The following IQCJ variants were observed in gnomAD, a reference collection of about 807,000 sequenced individuals.
IQCJ encodes the protein IQ motif containing J.
In IQCJ, 9 loss-of-function variants were observed where a neutral mutation model predicts 11.0. The observed-to-expected ratio is 0.82, with a 90% confidence interval of 0.49 to 1.43. The LOEUF (loss-of-function observed/expected upper bound fraction) is 1.43. Ranked by LOEUF, IQCJ falls within the 40% of genes most tolerant of loss-of-function variation. The pLI, the probability that IQCJ is intolerant of heterozygous loss-of-function variation, is 0.00. For missense variants in IQCJ, 146 were observed against 133.2 expected, an observed-to-expected ratio of 1.10 and a Z score of -0.47; for synonymous variants, 55 against 51.3, an observed-to-expected ratio of 1.07 and a Z score of -0.31.
rs190308672 is a variant in IQCJ, at chr3:159,232,149, C to T, written c.10-13694C>T. Among the ~76,000 whole-genome samples, 472 of 152,070 alleles carry T rather than the reference C, an allele frequency of 3.1e-3. 1 individual carries two copies. The highest frequency in any genetic ancestry group is 0.011 in the African/African-American group (455 of 41,496). ...CTAACTCTTTCAGTTCTGCTCTGAT[C>T]TTAGTTATTTCTTGTCTTCTGCTAG... On this transcript the variant is annotated intron_variant, in intron 1 of 3. Transcript: ENST00000397832.
At chr3:159,073,340 T>C (rs991580922) in intron 1 of IQCJ, among the ~76,000 whole-genome samples, 1 of 152,088 alleles carries the variant, frequency 6.6e-6, no homozygotes, top group Admixed American at 6.6e-5. Flanking sequence ...GCAGTGTACC[T>C]CCCTGGCTGC....
At chr3:159,207,281 A>T (rs1724706468) in intron 1 of IQCJ, among the ~76,000 whole-genome samples, 1 of 152,210 alleles carries the variant, frequency 6.6e-6, no homozygotes, top group Non-Finnish European at 1.5e-5. Context: ...CATAGTTAAC[A>T]TTCTATAATT....
intron 1 of IQCJ, among the ~76,000 whole-genome samples, chr3:159,137,323 A>G (rs1720351359): frequency 6.6e-6 from 1 of 152,116 alleles, no homozygotes; most frequent in Non-Finnish European, 1.5e-5. Context: ...ATTCACATTT[A>G]CTTATTATTG....
chr3:159,082,822 G>C (rs1459924063), intron 1 of IQCJ, among the ~76,000 whole-genome samples: 1 of 151,974 alleles, frequency 6.6e-6, no homozygotes, highest in Non-Finnish European at 1.5e-5. Flanking sequence ...AGATGGGGGA[G>C]GACATGAAAA....
intron 1 of IQCJ, among the ~76,000 whole-genome samples, chr3:159,197,964 T>A (rs370570808): frequency 6.6e-6 from 1 of 152,184 alleles, no homozygotes; most frequent in South Asian, 2.1e-4. Context: ...CATGGGCTGA[T>A]GTGTTCTGTG....
chr3:159,265,356 C>G (rs777399497), downstream of IQCJ: 3 of 1,613,638 alleles, frequency 1.9e-6, no homozygotes, highest in Admixed American at 5.0e-5. Context: ...CATACATACT[C>G]TCAAGGAGCC....
chr3:159,158,084 T>TATTTGTC (rs1442938283), intron 1 of IQCJ, among the ~76,000 whole-genome samples: 1 of 152,252 alleles, frequency 6.6e-6, no homozygotes, highest in Non-Finnish European at 1.5e-5. Flanking sequence ...AGAGAATATT[T>TATTTGTC]ATTTGTCATT....
chr3:159,174,875 T>C (rs1381467829), intron 1 of IQCJ, among the ~76,000 whole-genome samples: 1 of 152,194 alleles, frequency 6.6e-6, no homozygotes, highest in Non-Finnish European at 1.5e-5. Flanking sequence ...ACCATAAATA[T>C]GTCTGAGACT....
chr3:159,134,658 C>A (rs983889792), intron 1 of IQCJ, among the ~76,000 whole-genome samples: 1 of 152,158 alleles, frequency 6.6e-6, no homozygotes, highest in Non-Finnish European at 1.5e-5. Context: ...AGATGACTAG[C>A]ATTTCTCTAA....
At chr3:159,232,963 T>C (rs1726351853) in intron 1 of IQCJ, among the ~76,000 whole-genome samples, 1 of 152,194 alleles carries the variant, frequency 6.6e-6, no homozygotes, top group Non-Finnish European at 1.5e-5. Context: ...CATCCAGGTA[T>C]AGAGATTTGT....
chr3:159,246,015 A>G, intron 2 of IQCJ, 108 bp downstream of exon 2: 2 of 851,696 alleles, frequency 2.3e-6, no homozygotes, highest in Non-Finnish European at 1.8e-6. Context: ...TTCTTATGTT[A>G]TCATTGTGGT....
At chr3:159,169,626 A>G (rs1474357247) in intron 1 of IQCJ, among the ~76,000 whole-genome samples, 1 of 152,170 alleles carries the variant, frequency 6.6e-6, no homozygotes, top group Admixed American at 6.5e-5. Flanking sequence ...AGCTGTAGCA[A>G]GTTACCAGAA....
At chr3:159,092,021 T>G (rs1325139359) in intron 1 of IQCJ, among the ~76,000 whole-genome samples, 1 of 151,892 alleles carries the variant, frequency 6.6e-6, no homozygotes, top group East Asian at 1.9e-4. Context: ...TCTCATACTC[T>G]CAAAGTCTCA....
At chr3:159,237,813 C>G (rs1726679980) in intron 1 of IQCJ, among the ~76,000 whole-genome samples, 1 of 152,144 alleles carries the variant, frequency 6.6e-6, no homozygotes, top group South Asian at 2.1e-4. Context: ...GATTAATTAT[C>G]AAACACACAT....
chr3:159,204,223 G>A (rs950793691), intron 1 of IQCJ, among the ~76,000 whole-genome samples: 6 of 152,226 alleles, frequency 3.9e-5, no homozygotes, highest in African/African-American at 1.4e-4. Context: ...AACTGGGCAG[G>A]GCACAGTGGG....
chr3:159,069,385 C>T lies in IQCJ; in HGVS notation c.-48C>T. Reference sequence around the variant, plus strand: ...GATTCTGAGGAATACAGTGTGCCAGCATCCGATCCAGTCTCCTTTCACCTG... The same window carrying T: ...GATTCTGAGGAATACAGTGTGCCAGTATCCGATCCAGTCTCCTTTCACCTG... On this transcript the variant is annotated 5_prime_UTR_variant, in exon 1 of 4. Transcript: ENST00000397832. 2 of 1,592,740 alleles carry T rather than the reference C, an allele frequency of 1.3e-6. No homozygotes were observed. Among genetic ancestry groups the T allele is most frequent in the Non-Finnish European group, 1.7e-6 (2 of 1,172,236 alleles).
At chr3:159,077,817 T>C (rs1299127837) in intron 1 of IQCJ, among the ~76,000 whole-genome samples, 3 of 152,144 alleles carry the variant, frequency 2.0e-5, no homozygotes, top group African/African-American at 7.2e-5. Flanking sequence ...AAAAAAGTTA[T>C]TTTTAAAAAT....
intron 1 of IQCJ, among the ~76,000 whole-genome samples, chr3:159,083,047 A>T (rs1036235793): frequency 6.6e-6 from 1 of 152,166 alleles, no homozygotes; most frequent in Non-Finnish European, 1.5e-5. Context: ...ACCTCGGATG[A>T]GGTAAAGCCT....
downstream of IQCJ, chr3:159,265,348 T>A: frequency 6.2e-7 from 1 of 1,613,808 alleles, no homozygotes; most frequent in Non-Finnish European, 8.5e-7. Flanking sequence ...ACTGGGTTCA[T>A]ACATACTCTC....
Sources: gnomAD v4.1 joint callset for allele counts (sites outside exome capture counted in the v4.1 genomes callset) on GRCh38, gnomAD v4.1.1 for gene constraint, MANE v1.5 for transcripts, NCBI Gene and HGNC (gene_info 2026-07-23, HGNC 2026-07-21) for gene names.